Variants in NNMT observed in about 807,000 individuals in gnomAD.
NNMT encodes nicotinamide N-methyltransferase.
NNMT carries 10 observed loss-of-function variants against 11.7 expected under a neutral mutation model. The observed-to-expected ratio is 0.85, with a 90% CI of 0.53 to 1.45. The LOEUF (loss-of-function observed/expected upper bound fraction) is 1.45. NNMT is among the 40% of genes most tolerant of loss of function. NNMT has a pLI of 0.00. For synonymous variants in NNMT, 143 were observed against 133.8 expected (o/e 1.07, Z -0.48); for missense variants, 381 against 319.4 (o/e 1.19, Z -1.47).
chr11:114,263,720 T>A (rs542056163), intron 2 of NNMT, among the ~76,000 whole-genome samples: 248 of 152,298 alleles, frequency 1.6e-3, no homozygotes, highest in African/African-American at 5.9e-3. Flanking sequence ...AAAAGTGAAG[T>A]GCTAGCCTTA....
chr11:114,262,525 C>T (rs1309786167), intron 1 of NNMT, among the ~76,000 whole-genome samples: 1 of 152,180 alleles, frequency 6.6e-6, no homozygotes, highest in Non-Finnish European at 1.5e-5. Context: ...ACCCTCCACA[C>T]CCCACTTTCA....
chr11:114,299,176 A>G (rs76127839), intron 2 of NNMT, among the ~76,000 whole-genome samples: 211 of 152,334 alleles, frequency 1.4e-3, no homozygotes, highest in African/African-American at 4.9e-3. Flanking sequence ...AATAGAAATG[A>G]TGACAGCAGA....
intron 2 of NNMT, among the ~76,000 whole-genome samples, chr11:114,272,191 C>T (rs1945174759): frequency 6.6e-6 from 1 of 152,202 alleles, no homozygotes; most frequent in South Asian, 2.1e-4. Context: ...CAGGAACCCA[C>T]AGCACCTGAC....
intron 2 of NNMT, among the ~76,000 whole-genome samples, chr11:114,266,152 C>T (rs1210503705): frequency 6.6e-6 from 1 of 152,136 alleles, no homozygotes; most frequent in Non-Finnish European, 1.5e-5. Flanking sequence ...TACCTGAACA[C>T]ATCTCTTCAT....
intron 2 of NNMT, among the ~76,000 whole-genome samples, chr11:114,282,529 C>G (rs1257539929): frequency 6.6e-6 from 1 of 152,218 alleles, no homozygotes; most frequent in Non-Finnish European, 1.5e-5. Flanking sequence ...AACTCCTCCC[C>G]AATTTGCATG....
At position 114,277,998 on chromosome 11, in the gene NNMT, C is replaced by A. The variant is rs140357198; in HGVS notation, c.-130+15064C>A. 3.6e-3 allele frequency among the ~76,000 whole-genome samples: 545 copies of A among 152,278 alleles called. 6 individuals are homozygous for A. The highest frequency in any genetic ancestry group is 0.012 in the African/African-American group (498 of 41,540). ...TCGGTAGTTTTTACCTTACCCTTTA[C>A]CCATTACTAAAAGAAGAAATATGTT... On this transcript the variant is annotated intron_variant, in intron 2 of 4. Coordinates refer to the NNMT transcript ENST00000535401.
At chr11:114,295,314 C>T (rs1273809635), upstream of NNMT, among the ~76,000 whole-genome samples, 1 of 151,960 alleles carries the variant, frequency 6.6e-6, no homozygotes, top group East Asian at 1.9e-4. Context: ...GGTTTTGTGA[C>T]CAGTGGGAAT....
intron 2 of NNMT, among the ~76,000 whole-genome samples, chr11:114,281,411 T>A (rs1448875910): frequency 6.6e-6 from 1 of 152,108 alleles, no homozygotes; most frequent in African/African-American, 2.4e-5. Flanking sequence ...TTCAGAGCAC[T>A]GGGGAGTATA....
intron 2 of NNMT, among the ~76,000 whole-genome samples, chr11:114,286,220 G>C (rs1221900587): frequency 6.6e-6 from 1 of 152,182 alleles, no homozygotes; most frequent in Non-Finnish European, 1.5e-5. Flanking sequence ...CTCTAAATTT[G>C]TGCTTGTTTC....
intron 2 of NNMT, among the ~76,000 whole-genome samples, chr11:114,265,982 G>T (rs184530907): frequency 2.3e-3 from 349 of 152,232 alleles, no homozygotes; most frequent in African/African-American, 7.7e-3. Flanking sequence ...CTTTGTAAGA[G>T]AATTTTTAAT....
intron 1 of NNMT, among the ~76,000 whole-genome samples, chr11:114,259,026 C>G (rs868817300): frequency 6.6e-6 from 1 of 152,344 alleles, no homozygotes; most frequent in African/African-American, 2.4e-5. Context: ...GGCATAGAGT[C>G]TCTATAGTAC....
upstream of NNMT, among the ~76,000 whole-genome samples, chr11:114,292,341 G>A (rs191168671): frequency 6.6e-6 from 1 of 152,202 alleles, no homozygotes; most frequent in African/African-American, 2.4e-5. Flanking sequence ...TTTTCTTCCA[G>A]CAAACATAAG....
At chr11:114,265,442 T>C (rs1011695873) in intron 2 of NNMT, among the ~76,000 whole-genome samples, 4 of 152,310 alleles carry the variant, frequency 2.6e-5, no homozygotes, top group East Asian at 3.9e-4. Context: ...TATTAGACAG[T>C]CTCTGAAAAG....
At chr11:114,262,688 C>A (rs1945092653) in intron 1 of NNMT, among the ~76,000 whole-genome samples, 1 of 151,096 alleles carries the variant, frequency 6.6e-6, no homozygotes, top group Non-Finnish European at 1.5e-5. Context: ...TTGGAAAACC[C>A]CTCCAACACG....
At chr11:114,291,415 T>G (rs191942748), upstream of NNMT, among the ~76,000 whole-genome samples, 2 of 152,352 alleles carry the variant, frequency 1.3e-5, no homozygotes, top group Non-Finnish European at 2.9e-5. Flanking sequence ...TGCCAGTGTC[T>G]CTATGTTGGT....
At chr11:114,283,589 T>G (rs1945277141) in intron 2 of NNMT, among the ~76,000 whole-genome samples, 1 of 152,200 alleles carries the variant, frequency 6.6e-6, no homozygotes, top group Non-Finnish European at 1.5e-5. Flanking sequence ...CCGAAAGCTT[T>G]TTGACAAGAG....
intron 2 of NNMT, among the ~76,000 whole-genome samples, chr11:114,274,505 G>GGT (rs1945200090): frequency 6.6e-6 from 1 of 152,220 alleles, no homozygotes; most frequent in Admixed American, 6.5e-5. Context: ...CAAGGAGTTC[G>GGT]GTGTTTGTTT....
chr11:114,263,634 C>A (rs927865738), intron 2 of NNMT, among the ~76,000 whole-genome samples: 3 of 152,224 alleles, frequency 2.0e-5, no homozygotes, highest in Non-Finnish European at 4.4e-5. Context: ...ACCACGTAGA[C>A]CCCACACCTG....
chr11:114,296,351 TCA>T (rs1945377558), upstream of NNMT: 3 of 550,724 alleles, frequency 5.4e-6, 1 homozygote, highest in South Asian at 8.0e-5. Context: ...TCCGGGAATT[TCA>T]TCATTTCCTA....
Sources: allele counts gnomAD v4.1 joint callset (sites outside exome capture counted in the v4.1 genomes callset), GRCh38; gene constraint gnomAD v4.1.1; transcripts MANE v1.5; gene names NCBI Gene and HGNC (gene_info 2026-07-23, HGNC 2026-07-21).